Variants in DHX57 observed in about 807,000 individuals in gnomAD.
DHX57 encodes DExH-box helicase 57.
Under a neutral mutation model 156.2 loss-of-function variants are expected in DHX57, and 105 were observed. That is an observed-to-expected ratio of 0.67 (90% CI 0.57 to 0.79). The LOEUF (loss-of-function observed/expected upper bound fraction) is 0.79. Among genes scored for constraint, DHX57 ranks in the 30% least tolerant of loss-of-function variants. The probability of loss-of-function intolerance (pLI) is 0.00; values close to 1 mark genes in which losing one functional copy is unlikely to be tolerated. For synonymous variants in DHX57, 704 were observed against 595.6 expected (o/e 1.18, Z -2.65); for missense variants, 1,847 against 1,661.9 (o/e 1.11, Z -1.94).
chr2:38,822,288 T>C (rs1378201762), intron 17 of DHX57, among the ~76,000 whole-genome samples: 1 of 151,632 alleles, frequency 6.6e-6, no homozygotes, highest in African/African-American at 2.4e-5. Flanking sequence ...TCCATGTTGG[T>C]CAGGCTGGTC....
At chr2:38,844,043 T>TA in intron 11 of DHX57, among the ~76,000 whole-genome samples, 1 of 152,214 alleles carries the variant, frequency 6.6e-6, no homozygotes, top group South Asian at 2.1e-4. Context: ...TGTAGCTTTT[T>TA]AAAAAAAAGA....
intron 19 of DHX57, among the ~76,000 whole-genome samples, chr2:38,818,340 C>T (rs1670647978): frequency 6.6e-6 from 1 of 152,084 alleles, no homozygotes; most frequent in Admixed American, 6.6e-5. Flanking sequence ...GCCTGGCCAG[C>T]ATGGTGAAAC....
intron 9 of DHX57, among the ~76,000 whole-genome samples, chr2:38,849,808 A>G (rs1228700881): frequency 6.6e-6 from 1 of 152,044 alleles, no homozygotes; most frequent in East Asian, 1.9e-4. Context: ...TCACACAGGT[A>G]GCTCCCTCAC....
intron 15 of DHX57, 30 bp downstream of exon 15, chr2:38,826,486 C>T (rs1558371386): frequency 1.2e-6 from 2 of 1,602,766 alleles, no homozygotes; most frequent in Non-Finnish European, 1.7e-6. Flanking sequence ...ATTTTTAGCC[C>T]CTCTCTTACA....
rs758194161 is a variant in DHX57, at chr2:38,863,360, C to T, written c.383+1G>A. On this transcript the variant is annotated splice_donor_variant, in intron 3 of 23. Coordinates refer to ENST00000457308, the MANE Select transcript of DHX57 (RefSeq NM_198963.3). LOFTEE classifies it high-confidence loss of function. ...TAATTGACTCAAATAAAACAATTTA[C>T]TCAGATCCAGCATCAGCATCTTGTT... 1.9e-6 allele frequency: 3 copies of T among 1,605,614 alleles called. No individual in the cohort carries two copies. The highest frequency in any genetic ancestry group is 8.5e-7 in the Non-Finnish European group (1 of 1,177,974).
At chr2:38,816,275 C>T (rs887854218) in intron 19 of DHX57, 54 of 458,096 alleles carry the variant, frequency 1.2e-4, no homozygotes, top group East Asian at 2.8e-4. Flanking sequence ...AGTGCAGTGG[C>T]GCAATCTTGG....
chr2:38,806,364 G>A (rs1306437169), intron 22 of DHX57, 195 bp downstream of exon 22: 1 of 574,230 alleles, frequency 1.7e-6, no homozygotes, highest in African/African-American at 1.9e-5. Flanking sequence ...GTATTCAGTA[G>A]AATTTTCTTC....
At chr2:38,872,040 C>T (rs1302982651) in intron 1 of DHX57, among the ~76,000 whole-genome samples, 1 of 152,122 alleles carries the variant, frequency 6.6e-6, no homozygotes. Flanking sequence ...CTAACCCACT[C>T]CCATGCTAGT....
chr2:38,857,698 C>G (rs191503713), intron 6 of DHX57, among the ~76,000 whole-genome samples: 5 of 152,318 alleles, frequency 3.3e-5, no homozygotes, highest in Admixed American at 3.3e-4. Flanking sequence ...ACTTTGCCCT[C>G]AGGATTCACT....
At chr2:38,851,849 C>T (rs1377367541) in intron 9 of DHX57, among the ~76,000 whole-genome samples, 1 of 152,042 alleles carries the variant, frequency 6.6e-6, no homozygotes, top group Non-Finnish European at 1.5e-5. Flanking sequence ...CTTCCTCTTC[C>T]AAGTTGTTCA....
At chr2:38,835,576 A>G (rs1026651304) in intron 13 of DHX57, among the ~76,000 whole-genome samples, 31 of 152,160 alleles carry the variant, frequency 2.0e-4, no homozygotes, top group Admixed American at 1.6e-3. Flanking sequence ...TTTTCCCTAA[A>G]TATGTCTCTA....
chr2:38,840,875 C>T (rs1283927813), intron 12 of DHX57, among the ~76,000 whole-genome samples: 1 of 152,150 alleles, frequency 6.6e-6, no homozygotes, highest in Non-Finnish European at 1.5e-5. Context: ...CTGGAGTGCA[C>T]TAGTGCGATC....
In DHX57 at chr2:38,855,176, T is replaced by A; in HGVS notation, c.1786A>T (p.Ile596Phe). The A allele has an allele frequency of 6.2e-7, 1 of 1,614,172 alleles. No individual in the cohort carries two copies. Among genetic ancestry groups the A allele is most frequent in the Non-Finnish European group, 8.5e-7 (1 of 1,180,032 alleles). ...ATTCGTCGGGGTTGGGTACAGATGA[T>A]GTTGGCTACCTTCTCAGGTGGTCCA... ...LNGPPEKVAN[I>F]ICTQPRRISA... Residue 596 changes from isoleucine (I) to phenylalanine (F), a missense_variant, in exon 8 of 24, where the codon ATC (isoleucine) becomes TTC (phenylalanine). By Grantham distance (21) the Ile-to-Phe change is conservative. Transcript: ENST00000457308.
intron 12 of DHX57, among the ~76,000 whole-genome samples, chr2:38,840,923 A>G (rs1230394984): frequency 6.6e-6 from 1 of 152,068 alleles, no homozygotes; most frequent in Non-Finnish European, 1.5e-5. Context: ...TGCTCAAGCA[A>G]TCCTCCCGCC....
At chr2:38,848,045 T>G (rs1435761496) in intron 10 of DHX57, among the ~76,000 whole-genome samples, 7 of 151,528 alleles carry the variant, frequency 4.6e-5, no homozygotes, top group Non-Finnish European at 8.8e-5. Flanking sequence ...ATCACGCCAC[T>G]GCACTCCAGC....
At chr2:38,809,578 C>T (rs756996462) in intron 21 of DHX57, among the ~76,000 whole-genome samples, 13 of 151,440 alleles carry the variant, frequency 8.6e-5, no homozygotes, top group Non-Finnish European at 1.6e-4. Flanking sequence ...TCTCCTGCCT[C>T]AGCCTCCCAA....
rs772875782 is a variant in DHX57 at position 38,854,066 on chromosome 2, C to T, written c.2018G>A (p.Arg673Lys). ...GTCTTTGTTTTACCTTTCTTCTGTC[C>T]TCTCATGAACTTCATCAACAATGAT... is the stretch of plus-strand genomic sequence containing the variant. ...SHIIVDEVHERTEESDFLLLV... is the reference protein window; with the variant it reads ...SHIIVDEVHEKTEESDFLLLV... The change falls in exon 9 of 24, where the codon AGG (arginine) becomes AAG (lysine). Residue 673 changes from arginine (R) to lysine (K), a missense_variant. Physicochemically the swap from Arg to Lys is conservative, Grantham distance 26. Coordinates refer to ENST00000457308, the MANE Select transcript of DHX57 (RefSeq NM_198963.3). 2.5e-6 allele frequency: 4 copies of T among 1,610,666 alleles called. No homozygotes were observed. Among genetic ancestry groups the T allele is most frequent in the Admixed American group, 1.7e-5 (1 of 59,394 alleles).
chr2:38,868,524 A>G, intron 1 of DHX57, 113 bp from the exon 2 acceptor site: 1 of 1,075,710 alleles, frequency 9.3e-7, no homozygotes, highest in South Asian at 1.6e-5. Context: ...GAAAATGCAT[A>G]TGTAAAAAGA....
At chr2:38,799,102 G>A (rs1487114496) in intron 23 of DHX57, among the ~76,000 whole-genome samples, 2 of 152,140 alleles carry the variant, frequency 1.3e-5, no homozygotes, top group East Asian at 1.9e-4. Flanking sequence ...GGTGGCTCAC[G>A]CCTGTAATCC....
Sources: allele counts gnomAD v4.1 joint callset (sites outside exome capture counted in the v4.1 genomes callset), GRCh38; gene constraint gnomAD v4.1.1; transcripts MANE v1.5; gene names NCBI Gene and HGNC (gene_info 2026-07-23, HGNC 2026-07-21).